The following DOCK4 variants were observed in gnomAD, a reference collection of about 807,000 sequenced individuals.
DOCK4 encodes the protein dedicator of cytokinesis protein 4.
Under a neutral mutation model 268.1 loss-of-function variants are expected in DOCK4, and 97 were observed. The observed-to-expected ratio is 0.36, with a 90% CI of 0.31 to 0.43. The LOEUF is 0.43. Among genes scored for constraint, DOCK4 ranks in the 20% least tolerant of loss-of-function variants. The probability of loss-of-function intolerance (pLI) is 1.00; values close to 1 mark genes in which losing one functional copy is unlikely to be tolerated. For missense variants in DOCK4, 2,145 were observed against 2,455.7 expected (o/e 0.87, Z 2.67); for synonymous variants, 954 against 887.2 (o/e 1.08, Z -1.34).
Position 112,004,083 on chromosome 7 carries a change from A to G in DOCK4, c.86T>C (p.Ile29Thr), listed in dbSNP as rs1402714555. 7 of 1,603,810 alleles carry G rather than the reference A, an allele frequency of 4.4e-6. No homozygotes were observed. Among genetic ancestry groups the G allele is most frequent in the Non-Finnish European group, 6.0e-6 (7 of 1,174,968 alleles). Reference protein sequence around the residue: ...GTVPYGLSLEIGDTVQILEKC... With the variant: ...GTVPYGLSLETGDTVQILEKC... Reference sequence around the variant, plus strand: ...CTCCAGGATCTGAACTGTATCTCCAATTTCCAATGACAGGCCATATGGAAC... The same window carrying G: ...CTCCAGGATCTGAACTGTATCTCCAGTTTCCAATGACAGGCCATATGGAAC... Residue 29 changes from isoleucine to threonine, a missense_variant, in exon 2 of 53, where the codon ATT becomes ACT. Around this residue, in one of 2 missense-constraint regions of DOCK4, gnomAD observed 1,598 missense variants for 1,986.7 expected, o/e 0.80. Transcript: ENST00000428084.
chr7:111,978,110 A>C (rs2135131073), intron 7 of DOCK4, among the ~76,000 whole-genome samples: 1 of 152,364 alleles, frequency 6.6e-6, no homozygotes, highest in South Asian at 2.1e-4. Flanking sequence ...GATGAGTAAA[A>C]TCAGAAACAG....
At chr7:111,913,491 G>C (rs1318293910) in intron 13 of DOCK4, among the ~76,000 whole-genome samples, 91 of 141,550 alleles carry the variant, frequency 6.4e-4, no homozygotes, top group Admixed American at 1.2e-3. Flanking sequence ...CTCACTGCAA[G>C]CTCCACCTCC....
chr7:111,808,742 A>G (rs1410306913), intron 30 of DOCK4, 79 bp downstream of exon 30: 1 of 1,450,714 alleles, frequency 6.9e-7, no homozygotes, highest in African/African-American at 1.4e-5. Flanking sequence ...TCACTGGTAA[A>G]TTGCCTTTCT....
At position 111,944,850 on chromosome 7, in the gene DOCK4, T is replaced by C. The variant is rs769190963; in HGVS notation, c.805A>G (p.Arg269Gly). 1.2e-6 allele frequency: 2 copies of C among 1,613,878 alleles called. No individual in the cohort carries two copies. Among genetic ancestry groups the C allele is most frequent in the Non-Finnish European group, 8.5e-7 (1 of 1,179,874 alleles). ...TGCACGGTGATATAAATGTCCTTTC[T>C]TAGCTCACTGCTGCCCAAATCCTAC... ...LFVDLGSSEL[R>G]KDIYITVHII... The change falls in exon 10 of 53, where the codon AGA becomes GGA. Residue 269 changes from arginine to glycine, a missense_variant. Coordinates refer to ENST00000428084, the MANE Select transcript of DOCK4 (RefSeq NM_001363540.2).
At chr7:111,797,738 A>T (rs907498390) in intron 30 of DOCK4, among the ~76,000 whole-genome samples, 2 of 152,186 alleles carry the variant, frequency 1.3e-5, no homozygotes, top group Admixed American at 6.5e-5. Flanking sequence ...CAAACCTCTT[A>T]ATTACTCTAA....
intron 12 of DOCK4, among the ~76,000 whole-genome samples, chr7:111,933,281 T>C (rs1179302469): frequency 1.7e-5 from 2 of 114,356 alleles, no homozygotes; most frequent in African/African-American, 4.0e-5. Flanking sequence ...CATATATACA[T>C]ATATATATAT....
chr7:112,120,958 C>T (rs1318295754), intron 1 of DOCK4, among the ~76,000 whole-genome samples: 1 of 152,170 alleles, frequency 6.6e-6, no homozygotes, highest in Non-Finnish European at 1.5e-5. Context: ...TTAAATTTTT[C>T]ATTCTTTGAG....
At chr7:111,922,581 G>T (rs1793233517) in intron 12 of DOCK4, among the ~76,000 whole-genome samples, 1 of 151,996 alleles carries the variant, frequency 6.6e-6, no homozygotes, top group African/African-American at 2.4e-5. Context: ...CTTTCCTTCT[G>T]GGTTCAGTTC....
At chr7:111,854,722 T>C (rs1462019137) in intron 23 of DOCK4, among the ~76,000 whole-genome samples, 1 of 152,156 alleles carries the variant, frequency 6.6e-6, no homozygotes, top group African/African-American at 2.4e-5. Flanking sequence ...CCCTAACCCA[T>C]GATTCAGTCA....
At chr7:111,752,319 G>A (rs1391702311) in intron 42 of DOCK4, among the ~76,000 whole-genome samples, 1 of 152,018 alleles carries the variant, frequency 6.6e-6, no homozygotes, top group African/African-American at 2.4e-5. Context: ...GTACAGAGGA[G>A]ACTACAGGGA....
At chr7:112,084,676 T>A (rs1336510671) in intron 1 of DOCK4, among the ~76,000 whole-genome samples, 2 of 152,140 alleles carry the variant, frequency 1.3e-5, no homozygotes, top group South Asian at 2.1e-4. Context: ...ACATGCATAA[T>A]GAAAACGAAA....
chr7:111,783,952 A>C lies in DOCK4; in HGVS notation c.3429T>G (p.Ser1143Arg). 1.3e-6 allele frequency: 2 copies of C among 1,599,114 alleles called. No individual in the cohort carries two copies. Among genetic ancestry groups the C allele is most frequent in the Non-Finnish European group, 8.5e-7 (1 of 1,172,320 alleles). Residue 1143 changes from serine (S) to arginine (R), a missense_variant and splice_region_variant, in exon 34 of 53, where the codon AGT becomes AGG. By Grantham distance (110) the Ser-to-Arg change is moderately radical. This residue lies in a region of DOCK4 where 1,598 missense variants were observed against 1,986.7 expected (regional missense o/e 0.80). Transcript: ENST00000428084. ...TTTCCCGCTCAATTTTCTTTAGTAG[A>C]CTGGAAAAGAAAGAACCCGGGGCAT... ...SIIPLFGPYP[S>R]LLKKIERETW...
At chr7:111,740,752 AAAAAAAAAGG>A (rs1795859119) in intron 47 of DOCK4, among the ~76,000 whole-genome samples, 1 of 147,110 alleles carries the variant, frequency 6.8e-6, no homozygotes, top group Admixed American at 6.8e-5. Flanking sequence ...AAAAAAAAAA[AAAAAAAAAGG>A]CAAGCTAAGA....
intron 52 of DOCK4, among the ~76,000 whole-genome samples, chr7:111,729,109 A>G (rs962640216): frequency 2.6e-5 from 4 of 152,148 alleles, no homozygotes; most frequent in African/African-American, 9.7e-5. Context: ...AGTTTGTGGT[A>G]TTTTGTGAGG....
intron 30 of DOCK4, among the ~76,000 whole-genome samples, chr7:111,795,386 C>G (rs1259566359): frequency 6.6e-6 from 1 of 152,178 alleles, no homozygotes; most frequent in African/African-American, 2.4e-5. Context: ...CAGGAACAAT[C>G]TGTGGCTCTG....
intron 1 of DOCK4, among the ~76,000 whole-genome samples, chr7:112,119,910 C>T (rs915760171): frequency 1.5e-4 from 22 of 151,162 alleles, no homozygotes; most frequent in Admixed American, 9.9e-4. Context: ...TGCAGTGGCG[C>T]GATCTCGGCT....
At chr7:112,074,945 C>G (rs957359811) in intron 1 of DOCK4, among the ~76,000 whole-genome samples, 2 of 152,212 alleles carry the variant, frequency 1.3e-5, no homozygotes, top group Non-Finnish European at 2.9e-5. Context: ...CTCTTTCCTG[C>G]AGTTGAAACA....
intron 15 of DOCK4, among the ~76,000 whole-genome samples, chr7:111,896,338 T>A (rs1268646467): frequency 6.6e-6 from 1 of 152,188 alleles, no homozygotes; most frequent in Non-Finnish European, 1.5e-5. Context: ...AATGAGGCGA[T>A]GAGGTTTTCA....
intron 51 of DOCK4, among the ~76,000 whole-genome samples, chr7:111,732,717 C>G (rs553973354): frequency 5.3e-4 from 81 of 152,298 alleles, no homozygotes; most frequent in Non-Finnish European, 7.5e-4. Context: ...ACCCCAGCAG[C>G]CTGGAACAGG....
Sources: allele counts gnomAD v4.1 joint callset (sites outside exome capture counted in the v4.1 genomes callset), GRCh38; gene constraint gnomAD v4.1.1; regional missense constraint gnomAD v4.1.1; transcripts MANE v1.5; gene names NCBI Gene and HGNC (gene_info 2026-07-23, HGNC 2026-07-21).